Variants in FRMD6 observed in about 807,000 individuals in gnomAD.
The protein encoded by FRMD6 is FERM domain containing 6, also known as FERM domain-containing protein 6.
Under a neutral mutation model 73.2 loss-of-function variants are expected in FRMD6, and 37 were observed. The observed-to-expected ratio is 0.51, with a 90% CI of 0.39 to 0.66. The LOEUF (loss-of-function observed/expected upper bound fraction) is 0.66. FRMD6 is among the 30% of genes least tolerant of loss of function. FRMD6 has a pLI of 0.00. For synonymous variants in FRMD6, 273 were observed against 282.2 expected, an observed-to-expected ratio of 0.97 and a Z score of 0.33; for missense variants, 714 against 780.5, an observed-to-expected ratio of 0.91 and a Z score of 1.02.
At position 51,702,518 on chromosome 14, in the gene FRMD6, G is replaced by A. The variant is rs771503456; in HGVS notation, c.301G>A (p.Asp101Asn). 9 of 1,611,038 alleles carry A rather than the reference G, an allele frequency of 5.6e-6. No homozygotes were observed. The highest frequency in any genetic ancestry group is 4.5e-5 in the East Asian group (2 of 44,834). Reference protein sequence around the residue: ...VRQYEVTWGIDQFGPPMIIHF... With the variant: ...VRQYEVTWGINQFGPPMIIHF... ...TGTGTGCTTTTGTTTCTAGGGTATC[G>A]ACCAATTTGGGCCTCCTATGATCAT... The change falls in exon 5 of 14, where the codon GAC becomes AAC. Residue 101 changes from aspartate to asparagine, a missense_variant. Coordinates refer to ENST00000344768, the MANE Select transcript of FRMD6 (RefSeq NM_001267046.2).
the FRMD6 span, among the ~76,000 whole-genome samples, chr14:51,422,578 G>T: frequency 2.0e-5 from 3 of 151,956 alleles, no homozygotes; most frequent in Non-Finnish European, 4.4e-5. Context: ...AAAAGATCTG[G>T]GAATAATTAT....
the FRMD6 span, among the ~76,000 whole-genome samples, chr14:51,419,967 C>T: frequency 1.3e-5 from 2 of 151,560 alleles, no homozygotes; most frequent in East Asian, 1.9e-4. Flanking sequence ...ACTTCCTGCC[C>T]TCGTTAGGTG....
intron 2 of FRMD6, among the ~76,000 whole-genome samples, chr14:51,629,737 C>T (rs1252340197): frequency 1.3e-5 from 2 of 152,174 alleles, no homozygotes; most frequent in Non-Finnish European, 2.9e-5. Context: ...TGCTGACTAG[C>T]AGTTTTCTTT....
intron 7 of FRMD6, among the ~76,000 whole-genome samples, chr14:51,708,525 TTC>T (rs1566584795): frequency 6.6e-6 from 1 of 152,088 alleles, no homozygotes; most frequent in Non-Finnish European, 1.5e-5. Context: ...GCATTGTTAT[TTC>T]TCTCCTCCCC....
At chr14:51,684,587 A>G (rs1895024782) in intron 1 of FRMD6, among the ~76,000 whole-genome samples, 1 of 152,158 alleles carries the variant, frequency 6.6e-6, no homozygotes, top group African/African-American at 2.4e-5. Context: ...AACCATGGGT[A>G]ATTTTGCCCC....
At chr14:51,424,068 GGCAGTAATTGATTAGGCTCAAACT>G in the FRMD6 span, among the ~76,000 whole-genome samples, 23 of 152,136 alleles carry the variant, frequency 1.5e-4, no homozygotes, top group African/African-American at 5.1e-4. Flanking sequence ...TGAAAAATTG[GGCAGTAATTGATTAGGCTCAAACT>G]GCATAGTGAT....
At chr14:51,591,790 C>T (rs1038594991) in intron 2 of FRMD6, among the ~76,000 whole-genome samples, 2 of 152,180 alleles carry the variant, frequency 1.3e-5, no homozygotes, top group African/African-American at 4.8e-5. Flanking sequence ...ATCCACCCTC[C>T]TTGGCCTCCC....
the FRMD6 span, among the ~76,000 whole-genome samples, chr14:51,409,186 T>G: frequency 6.6e-6 from 1 of 152,124 alleles, no homozygotes; most frequent in Non-Finnish European, 1.5e-5. Flanking sequence ...CTTCTGACCC[T>G]CTGTGTGCAG....
chr14:51,667,005 C>A (rs867115011), intron 1 of FRMD6, among the ~76,000 whole-genome samples: 13 of 152,096 alleles, frequency 8.5e-5, no homozygotes, highest in Middle Eastern at 3.4e-3. Context: ...TGTGGTGATG[C>A]GTGCCTGTGG....
At chr14:51,431,139 G>A in the FRMD6 span, among the ~76,000 whole-genome samples, 4 of 152,154 alleles carry the variant, frequency 2.6e-5, no homozygotes, top group African/African-American at 9.7e-5. Context: ...CATCATACCT[G>A]TGGATGGCCA....
the FRMD6 span, among the ~76,000 whole-genome samples, chr14:51,405,421 G>A: frequency 8.6e-5 from 13 of 151,824 alleles, no homozygotes; most frequent in African/African-American, 3.1e-4. Context: ...CTTTTCTCCA[G>A]CATCTGTTAT....
At chr14:51,628,131 C>A (rs1244198474) in intron 2 of FRMD6, among the ~76,000 whole-genome samples, 1 of 152,110 alleles carries the variant, frequency 6.6e-6, no homozygotes, top group African/African-American at 2.4e-5. Flanking sequence ...TAAGTTGAAT[C>A]CACAGATGCA....
intron 1 of FRMD6, among the ~76,000 whole-genome samples, chr14:51,563,820 G>A (rs1206709292): frequency 6.6e-6 from 1 of 152,146 alleles, no homozygotes; most frequent in Non-Finnish European, 1.5e-5. Flanking sequence ...AATCAAGCTT[G>A]GAAAGTCCAT....
rs3060588 is a variant in FRMD6, at chr14:51,596,248, G to GGTGTGTGTGTGT, written c.-147+25857_-147+25868dup. On this transcript the variant is annotated intron_variant, in intron 2 of 14. Transcript: ENST00000356218. ...TGTGGAATTTCCAAGAGGAGAGCCT[G>GGTGTGTGTGTGT]GTGTGTGTGTGTGTGTGTGTGTGTG... Among the ~76,000 whole-genome samples, 251 of 147,708 alleles carry GGTGTGTGTGTGT rather than the reference G, an allele frequency of 1.7e-3. 3 individuals carry two copies. Among genetic ancestry groups the GGTGTGTGTGTGT allele is most frequent in the East Asian group, 0.014 (70 of 4,978 alleles).
chr14:51,447,159 G>A, the FRMD6 span, among the ~76,000 whole-genome samples: 1,149 of 152,284 alleles, frequency 7.5e-3, 13 homozygotes, highest in African/African-American at 0.026. Context: ...GTAGAAAAGC[G>A]TAAATGAGCA....
intron 2 of FRMD6, among the ~76,000 whole-genome samples, chr14:51,593,644 GT>G (rs1389732581): frequency 6.6e-6 from 1 of 152,188 alleles, no homozygotes; most frequent in African/African-American, 2.4e-5. Context: ...GGGTGAACTT[GT>G]GCTTTCTAAT....
chr14:51,473,123 G>T, the FRMD6 span, among the ~76,000 whole-genome samples: 1 of 152,156 alleles, frequency 6.6e-6, no homozygotes, highest in Non-Finnish European at 1.5e-5. Flanking sequence ...TTCTGCCCCT[G>T]CCGGTCCTGC....
the FRMD6 span, among the ~76,000 whole-genome samples, chr14:51,425,565 T>G: frequency 6.6e-6 from 1 of 152,184 alleles, no homozygotes; most frequent in Admixed American, 6.5e-5. Flanking sequence ...GTTCTCATAT[T>G]CTGTTCTATC....
At chr14:51,610,179 C>T (rs997219683) in intron 2 of FRMD6, among the ~76,000 whole-genome samples, 1 of 152,114 alleles carries the variant, frequency 6.6e-6, no homozygotes, top group South Asian at 2.1e-4. Context: ...GGGCAGCCCT[C>T]GGCCAATGGA....
Sources: gnomAD v4.1 joint callset for allele counts (sites outside exome capture counted in the v4.1 genomes callset) on GRCh38, gnomAD v4.1.1 for gene constraint, MANE v1.5 for transcripts, NCBI Gene and HGNC (gene_info 2026-07-23, HGNC 2026-07-21) for gene names.